Variants in PPP1R9A observed in about 807,000 individuals in gnomAD.
PPP1R9A encodes the protein neurabin-1.
In PPP1R9A, 59 loss-of-function variants were observed where a neutral mutation model predicts 141.9. The ratio of observed to expected loss-of-function variants is 0.42; its 90% CI spans 0.34 to 0.52. The LOEUF (loss-of-function observed/expected upper bound fraction) is 0.52. Among genes scored for constraint, PPP1R9A ranks in the 20% least tolerant of loss-of-function variants. PPP1R9A has a pLI of 0.10. For synonymous variants in PPP1R9A, 500 were observed against 569.7 expected, an observed-to-expected ratio of 0.88 and a Z score of 1.74; for missense variants, 1,444 against 1,611.9, an observed-to-expected ratio of 0.90 and a Z score of 1.78.
intron 2 of PPP1R9A, among the ~76,000 whole-genome samples, chr7:95,034,663 C>T (rs1420875999): frequency 6.6e-6 from 1 of 152,050 alleles, no homozygotes; most frequent in Non-Finnish European, 1.5e-5. Context: ...GTATTTTGTC[C>T]TTTGAACTCT....
At chr7:95,179,502 T>A (rs1234044949) in intron 5 of PPP1R9A, among the ~76,000 whole-genome samples, 1 of 151,974 alleles carries the variant, frequency 6.6e-6, no homozygotes, top group Admixed American at 6.6e-5. Context: ...CCCTTCAACA[T>A]AGTACTGGAA....
chr7:95,065,389 A>G (rs1053006047), intron 2 of PPP1R9A, among the ~76,000 whole-genome samples: 3 of 142,736 alleles, frequency 2.1e-5, no homozygotes, highest in African/African-American at 8.2e-5. Flanking sequence ...TTTTTAATTC[A>G]CTCTTAATTT....
At chr7:95,219,966 A>T (rs1794169670) in intron 7 of PPP1R9A, among the ~76,000 whole-genome samples, 1 of 152,166 alleles carries the variant, frequency 6.6e-6, no homozygotes, top group East Asian at 1.9e-4. Flanking sequence ...AACGTCATGC[A>T]GTCAGTTAGC....
intron 7 of PPP1R9A, among the ~76,000 whole-genome samples, chr7:95,218,309 T>C (rs1291497684): frequency 6.6e-6 from 1 of 152,172 alleles, no homozygotes; most frequent in Non-Finnish European, 1.5e-5. Flanking sequence ...GAGTGCTAGT[T>C]TGATTGCAGT....
At chr7:95,086,892 A>G (rs996978558) in intron 2 of PPP1R9A, among the ~76,000 whole-genome samples, 1 of 151,980 alleles carries the variant, frequency 6.6e-6, no homozygotes, top group African/African-American at 2.4e-5. Flanking sequence ...TTCAGAAAAG[A>G]GAGTTTAGGT....
chr7:95,033,161 T>C (rs532021853), intron 2 of PPP1R9A, among the ~76,000 whole-genome samples: 30 of 141,586 alleles, frequency 2.1e-4, no homozygotes, highest in African/African-American at 7.1e-4. Flanking sequence ...CCCGCCACCA[T>C]GCCTGGCTAA....
chr7:95,060,325 G>A (rs543668493), intron 2 of PPP1R9A, among the ~76,000 whole-genome samples: 17 of 152,304 alleles, frequency 1.1e-4, no homozygotes, highest in African/African-American at 3.8e-4. Context: ...AGTCAGCCAT[G>A]CTTTAGCAAG....
intron 19 of PPP1R9A, among the ~76,000 whole-genome samples, chr7:95,289,839 A>G (rs1806074042): frequency 6.6e-6 from 1 of 152,222 alleles, no homozygotes; most frequent in African/African-American, 2.4e-5. Flanking sequence ...TCATTCACCC[A>G]TTAATTACTC....
intron 2 of PPP1R9A, among the ~76,000 whole-genome samples, chr7:94,914,836 C>T (rs998544940): frequency 6.6e-6 from 1 of 152,062 alleles, no homozygotes; most frequent in Non-Finnish European, 1.5e-5. Flanking sequence ...AAATGAGGAG[C>T]TGATGAAGTA....
chr7:95,131,681 C>CT (rs1423125291), intron 4 of PPP1R9A, among the ~76,000 whole-genome samples: 3 of 149,576 alleles, frequency 2.0e-5, no homozygotes, highest in Admixed American at 6.7e-5. Context: ...GTGCTGGAAT[C>CT]TATCTGAATT....
Position 95,123,588 on chromosome 7 carries a change from G to A in PPP1R9A, c.1649+2756G>A, listed in dbSNP as rs570186815. Among the ~76,000 whole-genome samples, 11 of 152,290 alleles carry A rather than the reference G, an allele frequency of 7.2e-5. No homozygotes were observed. In the East Asian group the frequency reaches 1.9e-3, roughly 27 times the overall value. ...CGCTTGAACCTGGGAGGTAGAGGTG[G>A]CAGTGAGCCAAGATTGTGCCATTGA... is the stretch of plus-strand genomic sequence containing the variant. On this transcript the variant is annotated intron_variant, in intron 4 of 19. Coordinates refer to ENST00000433360, the MANE Select transcript of PPP1R9A (RefSeq NM_001166160.2).
At chr7:95,222,789 T>A (rs907700790) in intron 7 of PPP1R9A, among the ~76,000 whole-genome samples, 40 of 152,076 alleles carry the variant, frequency 2.6e-4, no homozygotes, top group African/African-American at 8.7e-4. Flanking sequence ...TCTTCCTTTG[T>A]AAATGGCAGA....
intron 4 of PPP1R9A, among the ~76,000 whole-genome samples, chr7:95,161,449 T>G (rs1830452358): frequency 6.6e-6 from 1 of 152,192 alleles, no homozygotes; most frequent in Admixed American, 6.5e-5. Context: ...GGTGATTCTT[T>G]GTAAGACCTC....
chr7:95,224,395 G>A (rs570681303), intron 7 of PPP1R9A, among the ~76,000 whole-genome samples: 1 of 152,256 alleles, frequency 6.6e-6, no homozygotes, highest in Admixed American at 6.6e-5. Flanking sequence ...AGTTCTCCAT[G>A]ATAATAGCCT....
In PPP1R9A at chr7:95,072,818, AATT is replaced by A. The variant is rs1234984484; in HGVS notation, c.1396-38435_1396-38433del. ...TATATTTATAATTATTATATATAAT[AATT>A]ATTATATATATAATAATTATTATAT... On this transcript the variant is annotated intron_variant, in intron 2 of 19. Coordinates refer to ENST00000433360, the MANE Select transcript of PPP1R9A (RefSeq NM_001166160.2). Among the ~76,000 whole-genome samples the A allele has an allele frequency of 2.7e-3, 177 of 66,718 alleles. 3 individuals are homozygous for A. Among genetic ancestry groups the A allele is most frequent in the Non-Finnish European group, 3.0e-3 (110 of 37,264 alleles). 43.8% of individuals were successfully genotyped at this position (66,718 alleles called of 152,430 possible).
chr7:95,252,153 AATC>A (rs1563503773), intron 12 of PPP1R9A, 23 bp downstream of exon 12: 2 of 1,536,548 alleles, frequency 1.3e-6, no homozygotes, highest in Non-Finnish European at 8.7e-7. Flanking sequence ...CAACCACAAA[AATC>A]ATTTTTGATG....
chr7:94,925,047 C>G (rs1793298792), intron 2 of PPP1R9A, among the ~76,000 whole-genome samples: 1 of 152,002 alleles, frequency 6.6e-6, no homozygotes, highest in South Asian at 2.1e-4. Context: ...GAAACAGAAC[C>G]AATAGGATGT....
At chr7:94,929,322 G>A (rs1241169941) in intron 2 of PPP1R9A, among the ~76,000 whole-genome samples, 1 of 152,180 alleles carries the variant, frequency 6.6e-6, no homozygotes, top group Non-Finnish European at 1.5e-5. Flanking sequence ...ATAGAGGTGT[G>A]CACAGGATGC....
chr7:95,144,452 T>C (rs1827248822), intron 4 of PPP1R9A, among the ~76,000 whole-genome samples: 1 of 152,164 alleles, frequency 6.6e-6, no homozygotes, highest in Non-Finnish European at 1.5e-5. Context: ...AATGCTGCAA[T>C]GAACATGGAA....
Sources: allele counts gnomAD v4.1 joint callset (sites outside exome capture counted in the v4.1 genomes callset), GRCh38; gene constraint gnomAD v4.1.1; transcripts MANE v1.5; gene names NCBI Gene and HGNC (gene_info 2026-07-23, HGNC 2026-07-21).